GMDS: variants seen among roughly 807,000 people sequenced by gnomAD.
GMDS encodes GDP-mannose 4,6-dehydratase, also known as GDP-mannose 4,6 dehydratase.
In GMDS, 20 loss-of-function variants were observed where a neutral mutation model predicts 49.9. The observed-to-expected ratio is 0.40, with a 90% CI of 0.28 to 0.58. The LOEUF is 0.58. GMDS is among the 20% of genes least tolerant of loss of function. The pLI is 0.42. For missense variants in GMDS, 362 were observed against 481.4 expected (o/e 0.75, Z 2.32); for synonymous variants, 177 against 178.6 (o/e 0.99, Z 0.07).
intron 4 of GMDS, among the ~76,000 whole-genome samples, chr6:2,032,902 G>A (rs1356178008): frequency 6.6e-6 from 1 of 152,096 alleles, no homozygotes; most frequent in African/African-American, 2.4e-5. Flanking sequence ...ATTCCTCTAA[G>A]GAGAGGATGC....
chr6:1,648,957 C>T lies in GMDS; in HGVS notation c.988-24417G>A, dbSNP rs115925091. Among the ~76,000 whole-genome samples the T allele has an allele frequency of 9.8e-3, 1,495 of 152,302 alleles. 13 individuals carry two copies. Among genetic ancestry groups the T allele is most frequent in the Non-Finnish European group, 0.016 (1,121 of 68,024 alleles). On this transcript the variant is annotated intron_variant, in intron 9 of 10. Transcript: ENST00000380815. ...TAATGGTTCTCAAGGCAACACTATA[C>T]AGAATCAGAGAGAGAACATGAGCTT... is the stretch of plus-strand genomic sequence containing the variant.
intron 7 of GMDS, among the ~76,000 whole-genome samples, chr6:1,888,280 G>C (rs1759708954): frequency 6.6e-6 from 1 of 152,006 alleles, no homozygotes; most frequent in South Asian, 2.1e-4. Context: ...ATGGAAAGAG[G>C]TTTAATCAAC....
intron 7 of GMDS, among the ~76,000 whole-genome samples, chr6:1,772,990 C>G (rs1264951529): frequency 1.3e-5 from 2 of 152,182 alleles, no homozygotes; most frequent in South Asian, 2.1e-4. Context: ...AATGACAGAG[C>G]CTGCTAATCC....
At chr6:1,876,997 A>G (rs372665172) in intron 7 of GMDS, among the ~76,000 whole-genome samples, 28 of 152,324 alleles carry the variant, frequency 1.8e-4, no homozygotes, top group African/African-American at 5.5e-4. Context: ...TGGTGCTCTC[A>G]GAAGTTCTGG....
intron 7 of GMDS, among the ~76,000 whole-genome samples, chr6:1,909,483 G>A (rs1014794091): frequency 1.4e-4 from 22 of 152,142 alleles, no homozygotes; most frequent in African/African-American, 5.1e-4. Context: ...GGGATTCTCC[G>A]GGTTGCAACA....
intron 7 of GMDS, among the ~76,000 whole-genome samples, chr6:1,917,066 TA>T (rs1177756594): frequency 1.3e-5 from 2 of 152,348 alleles, no homozygotes; most frequent in East Asian, 3.9e-4. Flanking sequence ...TCAGATGTTC[TA>T]CAGTTTCCTT....
chr6:1,810,220 C>T (rs1770360148), intron 7 of GMDS, among the ~76,000 whole-genome samples: 1 of 152,132 alleles, frequency 6.6e-6, no homozygotes, highest in South Asian at 2.1e-4. Context: ...TGGGGCACAC[C>T]AGAGGGAGGG....
At chr6:2,071,570 C>T (rs553330977) in intron 4 of GMDS, among the ~76,000 whole-genome samples, 2 of 151,902 alleles carry the variant, frequency 1.3e-5, no homozygotes, top group South Asian at 4.2e-4. Flanking sequence ...AGTAAAGACA[C>T]TAAAAATGTA....
In GMDS at chr6:1,833,290, C is replaced by T. The variant is rs761869517; in HGVS notation, c.772-90704G>A. Reference sequence around the variant, plus strand: ...TCAGTGACTTCCAGAGAAGGGGAGGCCCCAGAACAACACTGGACACATCAA... The same window carrying T: ...TCAGTGACTTCCAGAGAAGGGGAGGTCCCAGAACAACACTGGACACATCAA... On this transcript the variant is annotated intron_variant, in intron 7 of 10. Coordinates refer to ENST00000380815, the MANE Select transcript of GMDS (RefSeq NM_001500.4). The surrounding 1 kb of genome is among the most constrained non-coding windows in gnomAD (Gnocchi z 4.4). Among the ~76,000 whole-genome samples the T allele has an allele frequency of 3.3e-5, 5 of 151,944 alleles. No homozygotes were observed. The South Asian group carries it at 6.3e-4, about 19-fold the overall frequency.
chr6:1,632,474 G>T (rs953975350), intron 9 of GMDS, among the ~76,000 whole-genome samples: 2 of 152,214 alleles, frequency 1.3e-5, no homozygotes, highest in African/African-American at 4.8e-5. Context: ...GTGAGGAAAT[G>T]CTCCTTATAT....
rs148087929 is a variant in GMDS, at chr6:1,865,258, A to C, written c.771+64845T>G. Among the ~76,000 whole-genome samples the C allele has an allele frequency of 4.7e-3, 710 of 152,216 alleles. 4 individuals carry two copies. The highest frequency in any genetic ancestry group is 0.012 in the South Asian group (57 of 4,820). On this transcript the variant is annotated intron_variant, in intron 7 of 10. Transcript: ENST00000380815. ...ACCTTGTATTTCCTATTTCTCTTTCATTTCTCCAACCTAGCAGATTTGTAA... is the reference window on the plus strand; with the variant it reads ...ACCTTGTATTTCCTATTTCTCTTTCCTTTCTCCAACCTAGCAGATTTGTAA...
chr6:1,624,131 A>AT lies in GMDS; in HGVS notation c.*37dup. On this transcript the variant is annotated 3_prime_UTR_variant, in exon 11 of 11. Transcript: ENST00000380815. ...CGTCTGCACCGGAGACTCTGCGGGG[A>AT]TTGTAGCCGGAGGGCGGGCCGGGCT... 1 of 1,579,886 alleles carries AT rather than the reference A, an allele frequency of 6.3e-7. No homozygotes were observed. The highest frequency in any genetic ancestry group is 8.6e-7 in the Non-Finnish European group (1 of 1,159,300).
chr6:1,854,339 T>G (rs1327657109), intron 7 of GMDS, among the ~76,000 whole-genome samples: 1 of 152,194 alleles, frequency 6.6e-6, no homozygotes, highest in East Asian at 1.9e-4. Context: ...CATACCAAAT[T>G]GGAATTTCAG....
intron 9 of GMDS, among the ~76,000 whole-genome samples, chr6:1,704,065 C>G (rs1271468551): frequency 6.6e-6 from 1 of 152,168 alleles, no homozygotes; most frequent in Non-Finnish European, 1.5e-5. Context: ...CAGTGACAGG[C>G]ACGAGGAAGA....
At chr6:1,975,265 T>C (rs535201699) in intron 4 of GMDS, among the ~76,000 whole-genome samples, 1 of 152,232 alleles carries the variant, frequency 6.6e-6, no homozygotes, top group Admixed American at 6.5e-5. Flanking sequence ...TAAATAAGCA[T>C]ATGGGCAAGG....
intron 7 of GMDS, among the ~76,000 whole-genome samples, chr6:1,802,738 T>C (rs1408571993): frequency 6.6e-6 from 1 of 152,214 alleles, no homozygotes; most frequent in Non-Finnish European, 1.5e-5. Flanking sequence ...TACTGTTACC[T>C]TTTTCCCCCT....
chr6:1,706,601 G>A (rs1471105738), intron 9 of GMDS, among the ~76,000 whole-genome samples: 1 of 152,166 alleles, frequency 6.6e-6, no homozygotes, highest in Non-Finnish European at 1.5e-5. Context: ...CCCCTCGCAG[G>A]CCCATCATGA....
intron 6 of GMDS, among the ~76,000 whole-genome samples, chr6:1,951,168 T>C (rs1000731210): frequency 6.6e-6 from 1 of 151,916 alleles, no homozygotes; most frequent in African/African-American, 2.4e-5. Flanking sequence ...AAAAGGAAAA[T>C]TACCCCAAAT....
At chr6:1,746,689 TTTTATTTATTTA>T (rs138136400) in intron 7 of GMDS, among the ~76,000 whole-genome samples, 2 of 150,458 alleles carry the variant, frequency 1.3e-5, no homozygotes, top group Admixed American at 6.6e-5. Flanking sequence ...AAAACTTTAG[TTTTATTTATTTA>T]TTTATTTATT....
Sources: allele counts gnomAD v4.1 joint callset (sites outside exome capture counted in the v4.1 genomes callset), GRCh38; gene constraint gnomAD v4.1.1; non-coding constraint Gnocchi (gnomAD v3.1); transcripts MANE v1.5; gene names NCBI Gene and HGNC (gene_info 2026-07-23, HGNC 2026-07-21).